CDC14A: variants seen among roughly 807,000 people sequenced by gnomAD.
The protein encoded by CDC14A is cell division cycle 14A, also known as dual specificity protein phosphatase CDC14A.
A neutral mutation model predicts 74.4 loss-of-function variants in CDC14A; 53 were observed. The observed-to-expected ratio is 0.71, with a 90% CI of 0.57 to 0.89. CDC14A has a LOEUF of 0.89. Among genes scored for constraint, CDC14A ranks in the 40% least tolerant of loss-of-function variants. CDC14A has a pLI of 0.00. For missense variants in CDC14A, 646 were observed against 713.7 expected (o/e 0.91, Z 1.08); for synonymous variants, 247 against 258.4 (o/e 0.96, Z 0.43).
chr1:100,518,528 A>G lies in CDC14A; in HGVS notation c.*248A>G. 1 of 416,546 alleles carries G rather than the reference A, an allele frequency of 2.4e-6. No homozygotes were observed. The highest frequency in any genetic ancestry group is 4.3e-6 in the Non-Finnish European group (1 of 230,732). 25.8% of individuals were successfully genotyped at this position (416,546 alleles called of 1,614,324 possible). ...CTTTTAAAGACAGTTTTAATGTTGA[A>G]TTTGGTATTTTGAAGGGTTATTTTT... On this transcript the variant is annotated 3_prime_UTR_variant, in exon 16 of 16. Transcript: ENST00000336454.
At chr1:100,413,071 G>GA (rs1406760446) in intron 4 of CDC14A, among the ~76,000 whole-genome samples, 2 of 151,668 alleles carry the variant, frequency 1.3e-5, no homozygotes, top group African/African-American at 4.8e-5. Context: ...AAAGAAAAAA[G>GA]AAAAAAGGAT....
At chr1:100,500,922 C>T (rs1052108391) in intron 15 of CDC14A, among the ~76,000 whole-genome samples, 15 of 145,390 alleles carry the variant, frequency 1.0e-4, no homozygotes, top group African/African-American at 3.3e-4. Flanking sequence ...AAACTTTTAC[C>T]CTCTCTGTCC....
Position 100,410,279 on chromosome 1 carries a change from A to G in CDC14A, c.310-13943A>G, listed in dbSNP as rs1190264970. On this transcript the variant is annotated intron_variant, in intron 4 of 15. Transcript: ENST00000336454. ...CCCAAGAAACATATCTTTGAAATGT[A>G]ATGAAAATAGTGACAAAATGGGGAT... 2.0e-5 allele frequency among the ~76,000 whole-genome samples: 3 copies of G among 152,230 alleles called. No homozygotes were observed. The East Asian group carries it at 5.8e-4, about 29-fold the overall frequency.
rs566152717 is a variant in CDC14A, at chr1:100,378,281, C to A, written c.216+660C>A. ...CATATGAGGAAACTCATCTATATAC[C>A]TAGTTTTAGTAAACTTATTTTATCA... On this transcript the variant is annotated intron_variant, in intron 3 of 15. Transcript: ENST00000336454. 3.3e-5 allele frequency among the ~76,000 whole-genome samples: 5 copies of A among 152,048 alleles called. No individual in the cohort carries two copies. In the South Asian group the frequency reaches 1.0e-3, roughly 32 times the overall value.
chr1:100,474,010 G>A (rs187974032), intron 10 of CDC14A, among the ~76,000 whole-genome samples: 2 of 152,116 alleles, frequency 1.3e-5, no homozygotes, highest in East Asian at 1.9e-4. Context: ...TTATCAGGTC[G>A]AGGCGGTTCC....
intron 4 of CDC14A, among the ~76,000 whole-genome samples, chr1:100,412,694 TTTTA>T (rs1370624565): frequency 3.3e-5 from 2 of 60,298 alleles, no homozygotes; most frequent in African/African-American, 3.1e-4. Context: ...TTCCTGTATG[TTTTA>T]TATATATATA....
At chr1:100,480,470 T>A (rs1313322022) in intron 10 of CDC14A, among the ~76,000 whole-genome samples, 1 of 152,212 alleles carries the variant, frequency 6.6e-6, no homozygotes. Flanking sequence ...TACACAAGTA[T>A]CTATTTGAAT....
At chr1:100,493,622 G>C (rs1647319733) in intron 11 of CDC14A, among the ~76,000 whole-genome samples, 1 of 152,256 alleles carries the variant, frequency 6.6e-6, no homozygotes, top group Non-Finnish European at 1.5e-5. Flanking sequence ...TCCTGTGACT[G>C]TTGAGCTGGT....
At position 100,468,861 on chromosome 1, in the gene CDC14A, C is replaced by T. The variant is rs191264840; in HGVS notation, c.977+767C>T. Among the ~76,000 whole-genome samples the T allele has an allele frequency of 3.0e-3, 459 of 152,126 alleles. 4 individuals are homozygous for T. Among genetic ancestry groups the T allele is most frequent in the African/African-American group, 0.011 (441 of 41,502 alleles). On this transcript the variant is annotated intron_variant, in intron 10 of 15. Transcript: ENST00000336454. ...CTAAAATACTATCTATTAGTGATAT[C>T]TTTTACTGAAATTTCATTTTTTTTT...
chr1:100,374,866 G>T (rs1160745886), intron 2 of CDC14A, among the ~76,000 whole-genome samples: 1 of 152,304 alleles, frequency 6.6e-6, no homozygotes, highest in East Asian at 1.9e-4. Context: ...AAGCATTAAT[G>T]AACAAACTAT....
In CDC14A at chr1:100,352,918, C is replaced by T. The variant is rs1017706804; in HGVS notation, c.-37C>T. ...CCGGGGGCGAGTGACTTCAGCTGGCCACGACCCAGCCCTCCCCCGTGCGTA... is the reference window on the plus strand; with the variant it reads ...CCGGGGGCGAGTGACTTCAGCTGGCTACGACCCAGCCCTCCCCCGTGCGTA... On this transcript the variant is annotated 5_prime_UTR_variant, in exon 1 of 16. Coordinates refer to ENST00000336454, the MANE Select transcript of CDC14A (RefSeq NM_003672.4). 3.7e-5 allele frequency: 59 copies of T among 1,613,186 alleles called. No individual in the cohort carries two copies. Among genetic ancestry groups the T allele is most frequent in the Non-Finnish European group, 5.0e-5 (59 of 1,179,934 alleles).
At chr1:100,512,061 C>G (rs1025444224) in intron 15 of CDC14A, among the ~76,000 whole-genome samples, 4 of 152,050 alleles carry the variant, frequency 2.6e-5, no homozygotes, top group Admixed American at 6.5e-5. Context: ...GCAGTCCACT[C>G]TGCTTTCCCT....
chr1:100,423,172 T>TGGCTTTCTCCCGCCCCCTGTCC (rs1662565593), intron 4 of CDC14A, among the ~76,000 whole-genome samples: 1 of 152,196 alleles, frequency 6.6e-6, no homozygotes. Context: ...GGCCACTGCC[T>TGGCTTTCTCCCGCCCCCTGTCC]GGCTTTCTCC....
chr1:100,440,044 A>C, intron 6 of CDC14A, 46 bp downstream of exon 6: 1 of 1,382,174 alleles, frequency 7.2e-7, no homozygotes, highest in Non-Finnish European at 1.0e-6. Context: ...AGTTTAAAAA[A>C]ATATGAGAAA....
chr1:100,518,034 T>C (rs1008082014), intron 15 of CDC14A, among the ~76,000 whole-genome samples: 1 of 152,218 alleles, frequency 6.6e-6, no homozygotes, highest in Non-Finnish European at 1.5e-5. Flanking sequence ...AGTAAACCTT[T>C]TAAAATATAA....
At chr1:100,357,930 C>T (rs1360041670) in intron 2 of CDC14A, among the ~76,000 whole-genome samples, 1 of 152,148 alleles carries the variant, frequency 6.6e-6, no homozygotes, top group Non-Finnish European at 1.5e-5. Flanking sequence ...ATTGAAATGT[C>T]AACCTTCTGA....
At chr1:100,351,935 A>G (rs1651062694), upstream of CDC14A, 3 of 807,642 alleles carry the variant, frequency 3.7e-6, no homozygotes, top group Non-Finnish European at 5.9e-6. Context: ...AATGTTAGCT[A>G]GAGGCGAGGC....
intron 15 of CDC14A, among the ~76,000 whole-genome samples, chr1:100,512,357 A>G (rs1312237407): frequency 6.6e-6 from 1 of 152,172 alleles, no homozygotes; most frequent in South Asian, 2.1e-4. Context: ...CGTGAATGTT[A>G]AAGTGTTTAG....
At chr1:100,486,669 T>TG (rs967850977) in intron 11 of CDC14A, among the ~76,000 whole-genome samples, 7 of 152,310 alleles carry the variant, frequency 4.6e-5, no homozygotes, top group Admixed American at 1.3e-4. Flanking sequence ...ATATGAATTT[T>TG]GGGGGCTACA....
Sources: gnomAD v4.1 joint callset for allele counts (sites outside exome capture counted in the v4.1 genomes callset) on GRCh38, gnomAD v4.1.1 for gene constraint, MANE v1.5 for transcripts, NCBI Gene and HGNC (gene_info 2026-07-23, HGNC 2026-07-21) for gene names.